ALDH16A1: variants seen among roughly 807,000 people sequenced by gnomAD.
The protein encoded by ALDH16A1 is aldehyde dehydrogenase 16 family member A1.
A neutral mutation model predicts 96.1 loss-of-function variants in ALDH16A1; 88 were observed. That is an observed-to-expected ratio of 0.92 (90% CI 0.77 to 1.09). ALDH16A1 has a LOEUF of 1.09. ALDH16A1 is among the 50% of genes least tolerant of loss of function. The pLI, the probability that ALDH16A1 is intolerant of heterozygous loss-of-function variation, is 0.00. For synonymous variants in ALDH16A1, 522 were observed against 496.4 expected, an observed-to-expected ratio of 1.05 and a Z score of -0.69; for missense variants, 1,250 against 1,112.6, an observed-to-expected ratio of 1.12 and a Z score of -1.76.
chr19:49,470,254 G>T lies in ALDH16A1; in HGVS notation c.2248-52G>T, dbSNP rs990769027. 22 of 1,601,816 alleles carry T rather than the reference G, an allele frequency of 1.4e-5. No individual in the cohort carries two copies. In the African/African-American group the frequency reaches 1.6e-4, roughly 12 times the overall value. On this transcript the variant is annotated intron_variant, in intron 16 of 16. Transcript: ENST00000293350. ...AGTCTTCATCGCGGAGGAAGCAGGT[G>T]CTCAGCAACAAGCCTGCAGAAGTGC...
At chr19:49,464,893 T>C (rs1271025037) in intron 12 of ALDH16A1, 131 bp downstream of exon 12, 6 of 1,419,064 alleles carry the variant, frequency 4.2e-6, no homozygotes, top group Admixed American at 3.7e-5. Flanking sequence ...AGTACCACGT[T>C]GTGGCCTCAC....
chr19:49,468,595 TC>T lies in ALDH16A1; in HGVS notation c.2124+33del. On this transcript the variant is annotated intron_variant, in intron 15 of 16. Coordinates refer to ENST00000293350, the MANE Select transcript of ALDH16A1 (RefSeq NM_153329.4). This position sits in a 1 kb window ranked among gnomAD's most constrained non-coding sequence, Gnocchi z 4.4. ...TAGCCCCCTGCCTTCCTGCCTCTCCTCCCCGTAGCCTCAGGGCAGCAGAAAA... is the reference window on the plus strand; with the variant it reads ...TAGCCCCCTGCCTTCCTGCCTCTCCTCCCGTAGCCTCAGGGCAGCAGAAAA... 1 of 1,597,444 alleles carries T rather than the reference TC, an allele frequency of 6.3e-7. No homozygotes were observed.
chr19:49,461,041 C>T (rs553417444), intron 5 of ALDH16A1, 142 bp downstream of exon 5: 1 of 876,956 alleles, frequency 1.1e-6, no homozygotes, highest in South Asian at 1.4e-5. Context: ...GGCTGCGGGT[C>T]TGAACTCCTA....
intron 16 of ALDH16A1, 78 bp downstream of exon 16, chr19:49,469,064 G>C (rs902921767): frequency 2.0e-6 from 3 of 1,531,748 alleles, no homozygotes; most frequent in Non-Finnish European, 2.6e-6. Context: ...ACACAGCCCC[G>C]CCCTCTTAGA....
intron 16 of ALDH16A1, 61 bp from the exon 17 acceptor site, chr19:49,470,245 G>A: frequency 6.3e-7 from 1 of 1,589,486 alleles, no homozygotes; most frequent in Non-Finnish European, 8.6e-7. Flanking sequence ...CATCGCGGAG[G>A]AAGCAGGTGC....
intron 14 of ALDH16A1, 107 bp downstream of exon 14, chr19:49,466,390 T>G (rs2079199413): frequency 1.7e-6 from 2 of 1,203,662 alleles, no homozygotes; most frequent in Non-Finnish European, 2.2e-6. Context: ...CCCACCGCCT[T>G]CCACGGCAGG....
chr19:49,468,534 G>C lies in ALDH16A1; in HGVS notation c.2092G>C (p.Ala698Pro). The change falls in exon 15 of 17, where the codon GCC becomes CCC. Residue 698 changes from alanine (A) to proline (P), a missense_variant. Ala to Pro is a conservative substitution (Grantham distance 27, BLOSUM62 -1). Transcript: ENST00000293350. This position sits in a 1 kb window ranked among gnomAD's most constrained non-coding sequence, Gnocchi z 4.4. ...CACTGTGGTCATGGTGCCCAGTGCG[G>C]CCTGTCCTCTGCTGGCCCTGGAGGT... Reference protein sequence around the residue: ...GNTVVMVPSAACPLLALEVCQ... With the variant: ...GNTVVMVPSAPCPLLALEVCQ... 6.2e-7 allele frequency: 1 copy of C among 1,604,646 alleles called. No homozygotes were observed. Among genetic ancestry groups the C allele is most frequent in the Non-Finnish European group, 8.5e-7 (1 of 1,179,934 alleles).
In ALDH16A1 at chr19:49,468,492, G is replaced by A. The variant is rs112736258; in HGVS notation, c.2050G>A (p.Ala684Thr). The change falls in exon 15 of 17, where the codon GCC becomes ACC. Residue 684 changes from alanine (A) to threonine (T), a missense_variant. Ala to Thr is a moderately conservative substitution (Grantham distance 58). Transcript: ENST00000293350. The surrounding 1 kb of genome is among the most constrained non-coding windows in gnomAD (Gnocchi z 4.4). ...LLAFVSLLAP[A>T]LAYGNTVVMV... is the part of the protein sequence containing the mutation. Reference sequence around the variant, plus strand: ...TGCCTTCGTGTCCCTGCTGGCTCCCGCCCTGGCCTACGGCAACACTGTGGT... The same window carrying A: ...TGCCTTCGTGTCCCTGCTGGCTCCCACCCTGGCCTACGGCAACACTGTGGT... 1.4e-5 allele frequency: 22 copies of A among 1,603,372 alleles called. No homozygotes were observed. The highest frequency in any genetic ancestry group is 4.0e-5 in the African/African-American group (3 of 74,974).
intron 1 of ALDH16A1, among the ~76,000 whole-genome samples, chr19:49,454,123 A>T (rs931303834): frequency 4.0e-5 from 6 of 150,304 alleles, no homozygotes; most frequent in Non-Finnish European, 8.9e-5. Flanking sequence ...CCTGGGCTCA[A>T]GCCATCCTCT....
intron 1 of ALDH16A1, among the ~76,000 whole-genome samples, chr19:49,456,632 C>T (rs1463014810): frequency 6.6e-6 from 1 of 152,158 alleles, no homozygotes. Flanking sequence ...TCAAGCAATC[C>T]TCCCGTCTCA....
chr19:49,464,587 G>C (rs2079182471), intron 11 of ALDH16A1, 45 bp from the exon 12 acceptor site: 10 of 1,613,406 alleles, frequency 6.2e-6, no homozygotes, highest in Non-Finnish European at 8.5e-6. Flanking sequence ...CTCGCATCCG[G>C]CCTCGCGTGC....
intron 1 of ALDH16A1, among the ~76,000 whole-genome samples, chr19:49,456,607 C>T (rs2079105947): frequency 1.3e-5 from 2 of 151,968 alleles, no homozygotes; most frequent in South Asian, 4.2e-4. Context: ...CCAGACTAGT[C>T]TCAAACTCCT....
chr19:49,462,115 C>G (rs1035362122), intron 7 of ALDH16A1, 79 bp downstream of exon 7: 3 of 1,427,054 alleles, frequency 2.1e-6, no homozygotes, highest in South Asian at 1.4e-5. Context: ...TCCCGAGTCT[C>G]TGTTCATTTT....
At position 49,466,068 on chromosome 19, in the gene ALDH16A1, C is replaced by G. The variant is rs1421710226; in HGVS notation, c.1737-14C>G. The G allele has an allele frequency of 1.9e-6, 3 of 1,540,826 alleles. No individual in the cohort carries two copies. Among genetic ancestry groups the G allele is most frequent in the Non-Finnish European group, 2.6e-6 (3 of 1,146,814 alleles). Reference sequence around the variant, plus strand: ...CCAGGATGCCAACCCCCACTGTGCGCTGTCTGCCCACAGCTGGGCGGGCCA... The same window carrying G: ...CCAGGATGCCAACCCCCACTGTGCGGTGTCTGCCCACAGCTGGGCGGGCCA... On this transcript the variant is annotated splice_polypyrimidine_tract_variant and intron_variant, in intron 13 of 16. Coordinates refer to ENST00000293350, the MANE Select transcript of ALDH16A1 (RefSeq NM_153329.4).
At chr19:49,453,524 C>A in intron 1 of ALDH16A1, 103 bp downstream of exon 1, 1 of 1,111,220 alleles carries the variant, frequency 9.0e-7, no homozygotes, top group Non-Finnish European at 1.3e-6. Flanking sequence ...TCAGCCGCTC[C>A]GCCTCTCTTA....
rs186168715 is a variant in ALDH16A1 at position 49,455,074 on chromosome 19, C to T, written c.90+1653C>T. Among the ~76,000 whole-genome samples the T allele has an allele frequency of 7.1e-3, 1,065 of 150,852 alleles. 41 individuals are homozygous for T. Among genetic ancestry groups the T allele is most frequent in the Admixed American group, 0.057 (863 of 15,192 alleles). On this transcript the variant is annotated intron_variant, in intron 1 of 16. Transcript: ENST00000293350. ...CAGAGGTTGCAGTAAGCTGAGATTGCACCACTGCACTCCAGCCTGGGCAAC... is the reference window on the plus strand; with the variant it reads ...CAGAGGTTGCAGTAAGCTGAGATTGTACCACTGCACTCCAGCCTGGGCAAC...
chr19:49,468,657 C>G lies in ALDH16A1; in HGVS notation c.2124+91C>G. The stretch of plus-strand genomic sequence containing the variant: ...AAGTCGGCAGGAGCTTGTCTCTTAC[C>G]CCACCCTCCGTGGTACCCATGCTGC... On this transcript the variant is annotated intron_variant, in intron 15 of 16. Coordinates refer to ENST00000293350, the MANE Select transcript of ALDH16A1 (RefSeq NM_153329.4). The surrounding 1 kb of genome is among the most constrained non-coding windows in gnomAD (Gnocchi z 4.4). The G allele has an allele frequency of 6.7e-7, 1 of 1,501,760 alleles. No individual in the cohort carries two copies. The highest frequency in any genetic ancestry group is 9.0e-7 in the Non-Finnish European group (1 of 1,112,826). The allele number at this position is 1,501,760 out of a possible 1,614,324, so 93.0% of individuals were successfully genotyped here. A position where few individuals can be genotyped will look rare whatever the true frequency, so the allele number is the denominator to read the frequency against.
Position 49,459,984 on chromosome 19 carries a change from C to A in ALDH16A1, c.499+136C>A. 9.1e-7 allele frequency: 1 copy of A among 1,097,852 alleles called. No homozygotes were observed. The highest frequency in any genetic ancestry group is 1.2e-6 in the Non-Finnish European group (1 of 803,136). 68.0% of individuals were successfully genotyped at this position (1,097,852 alleles called of 1,614,324 possible). A position where few individuals can be genotyped will look rare whatever the true frequency, so the allele number is the denominator to read the frequency against. ...GGAGTGCAGTGGCGCAATCTTGGCT[C>A]ACTATAACCTCCGCCTCCCGGGTTC... On this transcript the variant is annotated intron_variant, in intron 4 of 16. Coordinates refer to ENST00000293350, the MANE Select transcript of ALDH16A1 (RefSeq NM_153329.4). The surrounding 1 kb of genome is among the most constrained non-coding windows in gnomAD (Gnocchi z 4.1).
Position 49,460,896 on chromosome 19 carries a change from G to A in ALDH16A1, c.574G>A (p.Val192Met), listed in dbSNP as rs1292617781. 1.9e-6 allele frequency: 3 copies of A among 1,613,248 alleles called. No homozygotes were observed. The highest frequency in any genetic ancestry group is 2.5e-6 in the Non-Finnish European group (3 of 1,179,850). ...GTGGAGGATTTGCCCTGCCCTGGCT[G>A]TGGGTAAATGATGGCCTGGGGGGTC... is the stretch of plus-strand genomic sequence containing the variant. Reference protein sequence around the residue: ...MMWRICPALAVGCTVVALVPP... With the variant: ...MMWRICPALAMGCTVVALVPP... The change falls in exon 5 of 17, where the codon GTG becomes ATG. Residue 192 changes from valine (V) to methionine (M), a missense_variant. Coordinates refer to ENST00000293350, the MANE Select transcript of ALDH16A1 (RefSeq NM_153329.4).
Sources: allele counts gnomAD v4.1 joint callset (sites outside exome capture counted in the v4.1 genomes callset), GRCh38; gene constraint gnomAD v4.1.1; non-coding constraint Gnocchi (gnomAD v3.1); transcripts MANE v1.5; gene names NCBI Gene and HGNC (gene_info 2026-07-23, HGNC 2026-07-21).